Variants in PLEKHA5 observed in about 807,000 individuals in gnomAD.
The protein encoded by PLEKHA5 is pleckstrin homology domain containing A5, also known as pleckstrin homology domain-containing family A member 5.
A neutral mutation model predicts 181.9 loss-of-function variants in PLEKHA5; 55 were observed. That is an observed-to-expected ratio of 0.30 (90% CI 0.24 to 0.38). PLEKHA5 has a LOEUF of 0.38. PLEKHA5 is among the 10% of genes least tolerant of loss of function. The pLI, the probability that PLEKHA5 is intolerant of heterozygous loss-of-function variation, is 1.00. For synonymous variants in PLEKHA5, 535 were observed against 529.4 expected (o/e 1.01, Z -0.15); for missense variants, 1,432 against 1,549.5 (o/e 0.92, Z 1.27).
chr12:19,229,938 G>A (rs1278444885), intron 3 of PLEKHA5, among the ~76,000 whole-genome samples: 1 of 152,170 alleles, frequency 6.6e-6, no homozygotes, highest in Non-Finnish European at 1.5e-5. Flanking sequence ...GATACAGGGT[G>A]CTGATTGGTG....
At chr12:19,257,283 C>T in intron 5 of PLEKHA5, 150 bp from the exon 6 acceptor site, 2 of 514,774 alleles carry the variant, frequency 3.9e-6, no homozygotes, top group Non-Finnish European at 6.7e-6. Flanking sequence ...ACTAACCCAG[C>T]AAAAGTAGAA....
chr12:19,171,248 T>G (rs768608249), intron 3 of PLEKHA5, among the ~76,000 whole-genome samples: 1 of 152,106 alleles, frequency 6.6e-6, no homozygotes, highest in Non-Finnish European at 1.5e-5. Context: ...GGAGTGAGCA[T>G]TTACATTCTG....
At chr12:19,144,130 A>G (rs1049489779) in intron 3 of PLEKHA5, among the ~76,000 whole-genome samples, 7 of 152,178 alleles carry the variant, frequency 4.6e-5, no homozygotes, top group Non-Finnish European at 1.0e-4. Flanking sequence ...TGAATAGATG[A>G]AATTTGAAAG....
At position 19,164,395 on chromosome 12, in the gene PLEKHA5, A is replaced by G. The variant is rs145545143; in HGVS notation, c.227+31945A>G. 9.5e-3 allele frequency among the ~76,000 whole-genome samples: 1,437 copies of G among 152,056 alleles called. 15 individuals carry two copies. The highest frequency in any genetic ancestry group is 0.028 in the African/African-American group (1,152 of 41,464). ...TTTTTAGTAGAGACGGAGTTTCACC[A>G]TGTTGGCCAAACTGGTCTCAAACTC... is the stretch of plus-strand genomic sequence containing the variant. On this transcript the variant is annotated intron_variant, in intron 3 of 31. Coordinates refer to ENST00000429027, the MANE Select transcript of PLEKHA5 (RefSeq NM_001256470.2).
At chr12:19,296,284 C>A (rs1017927849) in intron 15 of PLEKHA5, among the ~76,000 whole-genome samples, 1 of 148,286 alleles carries the variant, frequency 6.7e-6, no homozygotes, top group Non-Finnish European at 1.5e-5. Context: ...CTGTGGCTCA[C>A]GCCTGTAATC....
intron 11 of PLEKHA5, 73 bp downstream of exon 11, chr12:19,275,056 ACTGAT>A: frequency 1.0e-6 from 1 of 955,122 alleles, no homozygotes; most frequent in South Asian, 1.6e-5. Context: ...TTTCTGAGCT[ACTGAT>A]TAAAATATTG....
intron 3 of PLEKHA5, among the ~76,000 whole-genome samples, chr12:19,171,706 T>C (rs1481491977): frequency 1.3e-5 from 2 of 152,232 alleles, no homozygotes; most frequent in African/African-American, 2.4e-5. Context: ...TTCTTGACTC[T>C]TGTAATAACA....
Position 19,311,148 on chromosome 12 carries a change from G to T in PLEKHA5, c.2038-3666G>T, listed in dbSNP as rs757378576. Among the ~76,000 whole-genome samples, 76 of 151,890 alleles carry T rather than the reference G, an allele frequency of 5.0e-4. 2 individuals are homozygous for T. Among genetic ancestry groups the T allele is most frequent in the Non-Finnish European group, 1.3e-4 (9 of 67,988 alleles). Reference sequence around the variant, plus strand: ...TCGTAGAACCTCTTTCAGAATTGGAGTGGGGTCGGGCATGGTGTCTCATGC... The same window carrying T: ...TCGTAGAACCTCTTTCAGAATTGGATTGGGGTCGGGCATGGTGTCTCATGC... On this transcript the variant is annotated intron_variant, in intron 15 of 31. Transcript: ENST00000429027.
At chr12:19,204,018 C>T (rs529933726) in intron 3 of PLEKHA5, among the ~76,000 whole-genome samples, 5 of 152,038 alleles carry the variant, frequency 3.3e-5, no homozygotes, top group South Asian at 2.1e-4. Flanking sequence ...TTAATTTTTG[C>T]GACCTTTTGA....
chr12:19,190,808 C>T (rs1360025784), intron 3 of PLEKHA5, among the ~76,000 whole-genome samples: 1 of 152,042 alleles, frequency 6.6e-6, no homozygotes, highest in Non-Finnish European at 1.5e-5. Flanking sequence ...TCAAGATAAG[C>T]AGAACTGAGA....
intron 3 of PLEKHA5, chr12:19,151,753 TA>T (rs1245442933): frequency 4.0e-5 from 6 of 151,876 alleles, no homozygotes; most frequent in Admixed American, 3.9e-4. Context: ...TTAATTTAAG[TA>T]ATACTGTTGT....
At chr12:19,361,215 G>T (rs898354496) in intron 28 of PLEKHA5, among the ~76,000 whole-genome samples, 1 of 151,804 alleles carries the variant, frequency 6.6e-6, no homozygotes, top group Admixed American at 6.6e-5. Flanking sequence ...ACGGAGTCTC[G>T]CTCTGTCACC....
In PLEKHA5 at chr12:19,290,830, CCATCAT is replaced by C. The variant is rs1293314776; in HGVS notation, c.1983+36_1983+41del. The C allele has an allele frequency of 2.7e-6, 4 of 1,497,946 alleles. No homozygotes were observed. The African/African-American group carries it at 5.5e-5, about 21-fold the overall frequency. The allele number at this position is 1,497,946 out of a possible 1,614,324, so 92.8% of individuals were successfully genotyped here. A position where few individuals can be genotyped will look rare whatever the true frequency, so the allele number is the denominator to read the frequency against. On this transcript the variant is annotated intron_variant, in intron 14 of 31. Transcript: ENST00000429027. ...TGGAGAGATTTGTCTGTGTCGTCTGCCATCATCTCTTATTTTGAAACACTCATCAGT... is the reference window on the plus strand; with the variant it reads ...TGGAGAGATTTGTCTGTGTCGTCTGCCTCTTATTTTGAAACACTCATCAGT...
intron 15 of PLEKHA5, among the ~76,000 whole-genome samples, chr12:19,309,741 T>C (rs2085712500): frequency 1.0e-5 from 1 of 97,480 alleles, no homozygotes; most frequent in Non-Finnish European, 3.2e-5. Context: ...TGAGACTCTG[T>C]CTCAAAAAAA....
intron 3 of PLEKHA5, among the ~76,000 whole-genome samples, chr12:19,211,662 A>G (rs2056929761): frequency 6.6e-6 from 1 of 152,186 alleles, no homozygotes; most frequent in Non-Finnish European, 1.5e-5. Flanking sequence ...GTCACAAAAA[A>G]AATTTATTTT....
At chr12:19,290,611 T>G (rs1441613129) in intron 13 of PLEKHA5, 66 bp from the exon 14 acceptor site, 24 of 1,435,194 alleles carry the variant, frequency 1.7e-5, no homozygotes, top group Non-Finnish European at 2.2e-5. Flanking sequence ...TGGTTTAATA[T>G]CTGTCACTTA....
chr12:19,267,567 G>A (rs2070908645), intron 8 of PLEKHA5, among the ~76,000 whole-genome samples: 1 of 152,112 alleles, frequency 6.6e-6, no homozygotes, highest in Non-Finnish European at 1.5e-5. Context: ...GGCTGAGGTG[G>A]GAGAATCACT....
chr12:19,353,926 C>T lies in PLEKHA5; in HGVS notation c.3062C>T (p.Ser1021Leu). 1 of 1,611,000 alleles carries T rather than the reference C, an allele frequency of 6.2e-7. No homozygotes were observed. The highest frequency in any genetic ancestry group is 8.5e-7 in the Non-Finnish European group (1 of 1,177,344). ...PVGVVPPRAK[S>L]PTPESSTIAS... Reference sequence around the variant, plus strand: ...GGAGTAGTCCCTCCAAGAGCAAAATCACCAACACCCGAATCTTCGACAATA... The same window carrying T: ...GGAGTAGTCCCTCCAAGAGCAAAATTACCAACACCCGAATCTTCGACAATA... The change falls in exon 26 of 32, where the codon TCA (serine) becomes TTA (leucine). Residue 1021 changes from serine (S) to leucine (L), a missense_variant. Coordinates refer to ENST00000429027, the MANE Select transcript of PLEKHA5 (RefSeq NM_001256470.2).
At chr12:19,349,754 A>C (rs531655730) in intron 25 of PLEKHA5, among the ~76,000 whole-genome samples, 2 of 150,122 alleles carry the variant, frequency 1.3e-5, no homozygotes, top group African/African-American at 4.9e-5. Flanking sequence ...AAAAAAAAAA[A>C]CTCTCCCAAG....
Sources: gnomAD v4.1 joint callset for allele counts (sites outside exome capture counted in the v4.1 genomes callset) on GRCh38, gnomAD v4.1.1 for gene constraint, MANE v1.5 for transcripts, NCBI Gene and HGNC (gene_info 2026-07-23, HGNC 2026-07-21) for gene names.